Variants in BCL2 observed in about 807,000 individuals in gnomAD.
BCL2 encodes the protein BCL2 apoptosis regulator.
In BCL2, 1 loss-of-function variant was observed where a neutral mutation model predicts 14.2. That is an observed-to-expected ratio of 0.07 (90% CI 0.02 to 0.33). BCL2 has a LOEUF of 0.33. BCL2 is among the 10% of genes least tolerant of loss of function. The pLI is 0.99. For synonymous variants in BCL2, 151 were observed against 137.2 expected, an observed-to-expected ratio of 1.10 and a Z score of -0.70; for missense variants, 247 against 305.9, an observed-to-expected ratio of 0.81 and a Z score of 1.44.
intron 2 of BCL2, among the ~76,000 whole-genome samples, chr18:63,203,712 A>G (rs974540055): frequency 6.6e-6 from 1 of 152,216 alleles, no homozygotes; most frequent in African/African-American, 2.4e-5. Context: ...ATACACACAC[A>G]TAATGGGGCC....
intron 2 of BCL2, among the ~76,000 whole-genome samples, chr18:63,217,767 T>C (rs1910246052): frequency 2.0e-5 from 3 of 152,246 alleles, no homozygotes; most frequent in Admixed American, 6.5e-5. Flanking sequence ...CAAAGTGATC[T>C]TTAGAAACCT....
chr18:63,295,151 G>A (rs1018233651), intron 2 of BCL2, among the ~76,000 whole-genome samples: 4 of 151,542 alleles, frequency 2.6e-5, no homozygotes, highest in African/African-American at 4.8e-5. Flanking sequence ...GAGACAGAGC[G>A]AGACTCCATC....
intron 2 of BCL2, among the ~76,000 whole-genome samples, chr18:63,143,454 T>C (rs1914421850): frequency 6.6e-6 from 1 of 152,204 alleles, no homozygotes; most frequent in South Asian, 2.1e-4. Context: ...ACAAGGCCTG[T>C]CAGCATTGTC....
Position 63,297,271 on chromosome 18 carries a change from G to T in BCL2, c.585+20811C>A, listed in dbSNP as rs1297199077. ...CCACATATGTAATTTTAAATTTTTA[G>T]TGGTCACGTTTAGTATATTTTATTA... On this transcript the variant is annotated intron_variant, in intron 2 of 2. Coordinates refer to ENST00000333681, the MANE Select transcript of BCL2 (RefSeq NM_000633.3). Among the ~76,000 whole-genome samples the T allele has an allele frequency of 3.3e-5, 5 of 152,076 alleles. No homozygotes were observed. The East Asian group carries it at 9.6e-4, about 29-fold the overall frequency.
At chr18:63,165,196 C>T (rs1213251920) in intron 2 of BCL2, among the ~76,000 whole-genome samples, 1 of 152,162 alleles carries the variant, frequency 6.6e-6, no homozygotes, top group Non-Finnish European at 1.5e-5. Flanking sequence ...TCTAAGGATA[C>T]CAAGATGAAT....
intron 2 of BCL2, among the ~76,000 whole-genome samples, chr18:63,230,371 A>G (rs536164675): frequency 6.6e-6 from 1 of 152,312 alleles, no homozygotes; most frequent in African/African-American, 2.4e-5. Context: ...AATATTAGTA[A>G]ACAAGAAAAA....
At chr18:63,252,648 A>C (rs2170294) in intron 2 of BCL2, among the ~76,000 whole-genome samples, 124,674 of 152,176 alleles carry the variant, frequency 0.82, 52,406 homozygotes, top group Non-Finnish European at 0.92. Flanking sequence ...ATGTGACTTG[A>C]TCCTCTCCTC....
intron 2 of BCL2, among the ~76,000 whole-genome samples, chr18:63,188,182 C>T (rs920890735): frequency 6.6e-6 from 1 of 152,198 alleles, no homozygotes; most frequent in African/African-American, 2.4e-5. Context: ...GTCTTACCCA[C>T]AAAGACACTG....
chr18:63,160,985 A>G (rs893200047), intron 2 of BCL2, among the ~76,000 whole-genome samples: 1 of 152,164 alleles, frequency 6.6e-6, no homozygotes, highest in African/African-American at 2.4e-5. Context: ...CTATGTCTTC[A>G]CGGCAAAAAC....
At chr18:63,179,374 C>T (rs146222695) in intron 2 of BCL2, among the ~76,000 whole-genome samples, 15 of 152,292 alleles carry the variant, frequency 9.8e-5, no homozygotes, top group Non-Finnish European at 8.8e-5. Context: ...TCAGACACAC[C>T]GTACATTCCA....
rs1385956015 is a variant in BCL2, at chr18:63,126,157, T to G, written c.*2468A>C. 2 of 213,556 alleles carry G rather than the reference T, an allele frequency of 9.4e-6. No homozygotes were observed. Among genetic ancestry groups the G allele is most frequent in the Non-Finnish European group, 1.9e-5 (2 of 105,484 alleles). 13.2% of individuals were successfully genotyped at this position (213,556 alleles called of 1,614,324 possible). A position where few individuals can be genotyped will look rare whatever the true frequency, so the allele number is the denominator to read the frequency against. ...TGTAAACCTTTCATAAAATAATATT[T>G]TGCTTAAAAATTAGAATCATTCAAA... On this transcript the variant is annotated 3_prime_UTR_variant, in exon 3 of 3. Transcript: ENST00000333681.
chr18:63,303,686 G>C lies in BCL2; in HGVS notation c.585+14396C>G, dbSNP rs1333939966. Among the ~76,000 whole-genome samples the C allele has an allele frequency of 2.0e-5, 3 of 152,274 alleles. No individual in the cohort carries two copies. The East Asian group carries it at 5.8e-4, about 29-fold the overall frequency. ...ATCCACTTCCTGCCCTCAGGGAGAG[G>C]TTATTGAGGTTAAATAATCTCCTAT... On this transcript the variant is annotated intron_variant, in intron 2 of 2. Coordinates refer to ENST00000333681, the MANE Select transcript of BCL2 (RefSeq NM_000633.3).
intron 2 of BCL2, among the ~76,000 whole-genome samples, chr18:63,176,920 CTTT>C (rs11346034): frequency 1.4e-5 from 2 of 144,298 alleles, no homozygotes; most frequent in African/African-American, 2.6e-5. Context: ...TTCTTCTTTT[CTTT>C]TTTTTTTTTT....
intron 2 of BCL2, among the ~76,000 whole-genome samples, chr18:63,227,781 C>T (rs2144171658): frequency 6.6e-6 from 1 of 152,276 alleles, no homozygotes; most frequent in Middle Eastern, 3.4e-3. Context: ...TTTTAAAACT[C>T]CAGCTCTTTA....
chr18:63,193,959 T>C (rs758337088), intron 2 of BCL2, among the ~76,000 whole-genome samples: 1 of 152,178 alleles, frequency 6.6e-6, no homozygotes, highest in African/African-American at 2.4e-5. Flanking sequence ...GCTGTGATGA[T>C]TAAATGAGAT....
chr18:63,260,506 G>A (rs1489941914), intron 2 of BCL2, among the ~76,000 whole-genome samples: 4 of 152,190 alleles, frequency 2.6e-5, no homozygotes, highest in Non-Finnish European at 1.5e-5. Flanking sequence ...CCCTGTCCAT[G>A]AGCCAGGCAC....
chr18:63,198,603 C>CAG (rs1909539982), intron 2 of BCL2, among the ~76,000 whole-genome samples: 2 of 151,902 alleles, frequency 1.3e-5, no homozygotes, highest in African/African-American at 4.8e-5. Context: ...GAGACACACA[C>CAG]ACAGACACAC....
intron 2 of BCL2, among the ~76,000 whole-genome samples, chr18:63,265,705 A>G (rs546621116): frequency 6.6e-6 from 1 of 152,354 alleles, no homozygotes; most frequent in South Asian, 2.1e-4. Context: ...CCAGGGACCT[A>G]TCTGGAACAT....
intron 2 of BCL2, among the ~76,000 whole-genome samples, chr18:63,187,059 C>T (rs1443260220): frequency 6.6e-6 from 1 of 152,170 alleles, no homozygotes; most frequent in Non-Finnish European, 1.5e-5. Context: ...GATATTATAT[C>T]AACAGTCCCT....
Sources: allele counts gnomAD v4.1 joint callset (sites outside exome capture counted in the v4.1 genomes callset), GRCh38; gene constraint gnomAD v4.1.1; transcripts MANE v1.5; gene names NCBI Gene and HGNC (gene_info 2026-07-23, HGNC 2026-07-21).